The following DTNB variants were observed in gnomAD, a reference collection of about 807,000 sequenced individuals.
DTNB encodes the protein dystrobrevin beta.
Under a neutral mutation model 90.7 loss-of-function variants are expected in DTNB, and 63 were observed. That is an observed-to-expected ratio of 0.69 (90% CI 0.57 to 0.86). DTNB has a LOEUF of 0.86. Ranked by LOEUF, DTNB falls within the 40% of genes least tolerant of loss-of-function variation. The probability of loss-of-function intolerance (pLI) is 0.00; values close to 1 mark genes in which losing one functional copy is unlikely to be tolerated. For missense variants in DTNB, 744 were observed against 807.1 expected (o/e 0.92, Z 0.95); for synonymous variants, 277 against 286.7 (o/e 0.97, Z 0.34).
chr2:25,652,839 T>G, intron 1 of DTNB, 178 bp from the exon 2 acceptor site: 1 of 522,596 alleles, frequency 1.9e-6, no homozygotes. Flanking sequence ...ATCCTTTTAT[T>G]TGATAGCTTC....
chr2:25,500,729 A>C (rs1381152734), intron 9 of DTNB, among the ~76,000 whole-genome samples: 1 of 149,026 alleles, frequency 6.7e-6, no homozygotes, highest in African/African-American at 2.5e-5. Flanking sequence ...CTCCTGTGCC[A>C]AAAAAAAAAT....
intron 16 of DTNB, among the ~76,000 whole-genome samples, chr2:25,412,678 C>A (rs2046899937): frequency 6.6e-6 from 1 of 152,144 alleles, no homozygotes; most frequent in African/African-American, 2.4e-5. Context: ...TTGGAGGAAA[C>A]AAATCCTTCA....
chr2:25,383,915 A>G (rs773880374), intron 18 of DTNB, 26 bp from the exon 19 acceptor site: 7 of 1,613,936 alleles, frequency 4.3e-6, no homozygotes, highest in Non-Finnish European at 5.1e-6. Context: ...CAAGGAGGCC[A>G]GTGACCCTTC....
chr2:25,606,595 C>CTGAATAACTTTATTTTATTCAGT (rs2067166258), intron 5 of DTNB, among the ~76,000 whole-genome samples: 1 of 152,098 alleles, frequency 6.6e-6, no homozygotes, highest in Non-Finnish European at 1.5e-5. Flanking sequence ...GAGTTAATAA[C>CTGAATAACTTTATTTTATTCAGT]TAATAACTGA....
At chr2:25,660,316 A>C (rs1415389768) in intron 1 of DTNB, among the ~76,000 whole-genome samples, 1 of 152,228 alleles carries the variant, frequency 6.6e-6, no homozygotes, top group East Asian at 1.9e-4. Context: ...AAATGAAAGA[A>C]GCCAGTCATA....
chr2:25,521,704 C>G (rs977505642), intron 9 of DTNB, among the ~76,000 whole-genome samples: 1 of 152,150 alleles, frequency 6.6e-6, no homozygotes. Flanking sequence ...ACTTTACTTA[C>G]GGACACTGAC....
chr2:25,660,339 TTA>T (rs2082905729), intron 1 of DTNB, among the ~76,000 whole-genome samples: 1 of 150,244 alleles, frequency 6.7e-6, no homozygotes, highest in African/African-American at 2.4e-5. Flanking sequence ...AGACCATGTA[TTA>T]TATGATTCCA....
At chr2:25,441,132 A>G (rs1339475590) in intron 12 of DTNB, among the ~76,000 whole-genome samples, 4 of 152,232 alleles carry the variant, frequency 2.6e-5, no homozygotes, top group Non-Finnish European at 1.5e-5. Context: ...CCTGTGTAAC[A>G]ACCCGATTCT....
At chr2:25,538,352 C>T (rs1338343384) in intron 8 of DTNB, among the ~76,000 whole-genome samples, 1 of 152,194 alleles carries the variant, frequency 6.6e-6, no homozygotes, top group Non-Finnish European at 1.5e-5. Context: ...TTGCAGTGAA[C>T]TACAATAGTG....
intron 9 of DTNB, among the ~76,000 whole-genome samples, chr2:25,523,769 C>A (rs1421153005): frequency 6.6e-6 from 1 of 151,964 alleles, no homozygotes; most frequent in East Asian, 1.9e-4. Flanking sequence ...CTCTTTATGT[C>A]CTCCTAATGC....
At chr2:25,530,068 TGA>T (rs1558899657) in intron 9 of DTNB, among the ~76,000 whole-genome samples, 1 of 152,142 alleles carries the variant, frequency 6.6e-6, no homozygotes, top group East Asian at 1.9e-4. Flanking sequence ...GATATAATTA[TGA>T]AAAACAGGGA....
Position 25,424,575 on chromosome 2 carries a change from G to C in DTNB, c.1554+2960C>G, listed in dbSNP as rs1295773548. ...TTTGCCTTTTACAAAAATCACACTG[G>C]GGCACTGGGACTTTCCCATCTATGC... On this transcript the variant is annotated intron_variant, in intron 15 of 20. Coordinates refer to ENST00000406818, the MANE Select transcript of DTNB (RefSeq NM_021907.5). The surrounding 1 kb of genome is among the most constrained non-coding windows in gnomAD (Gnocchi z 4.1). Among the ~76,000 whole-genome samples, 1 of 152,092 alleles carries C rather than the reference G, an allele frequency of 6.6e-6. No homozygotes were observed. Among genetic ancestry groups the C allele is most frequent in the Non-Finnish European group, 1.5e-5 (1 of 68,026 alleles).
In DTNB at chr2:25,586,786, G is replaced by A. The variant is rs534793562; in HGVS notation, c.604-5960C>T. On this transcript the variant is annotated intron_variant, in intron 6 of 20. Coordinates refer to ENST00000406818, the MANE Select transcript of DTNB (RefSeq NM_021907.5). ...TTTGGAGGAGAGACAGAAAGTCAGGGGTTACTGGCATTTCAGTGAGAACTA... is the reference window on the plus strand; with the variant it reads ...TTTGGAGGAGAGACAGAAAGTCAGGAGTTACTGGCATTTCAGTGAGAACTA... 5.3e-4 allele frequency among the ~76,000 whole-genome samples: 80 copies of A among 152,238 alleles called. No individual in the cohort carries two copies. In the South Asian group the frequency reaches 0.013, roughly 25 times the overall value.
intron 3 of DTNB, among the ~76,000 whole-genome samples, chr2:25,629,563 T>A (rs2075230191): frequency 1.3e-5 from 2 of 152,102 alleles, no homozygotes; most frequent in Admixed American, 1.3e-4. Context: ...TAAAAAAGAT[T>A]TAAATATAAG....
At chr2:25,436,452 C>T (rs569110625) in intron 12 of DTNB, among the ~76,000 whole-genome samples, 96 of 152,274 alleles carry the variant, frequency 6.3e-4, no homozygotes, top group Admixed American at 2.0e-3. Flanking sequence ...GACCCTGCTT[C>T]ACTCTGTACA....
chr2:25,639,905 C>T (rs1170238381), intron 2 of DTNB, among the ~76,000 whole-genome samples: 1 of 152,174 alleles, frequency 6.6e-6, no homozygotes, highest in Non-Finnish European at 1.5e-5. Context: ...GAAGATCGTA[C>T]GAAGAAGAAC....
rs866007236 is a variant in DTNB, at chr2:25,662,169, C to A, written c.-1-9508G>T. The stretch of plus-strand genomic sequence containing the variant: ...AGACTCCGTCTCAAAAAAAAAAAAA[C>A]AAAAAAAACAAATGGATGTATCTAA... On this transcript the variant is annotated intron_variant, in intron 1 of 20. Coordinates refer to ENST00000406818, the MANE Select transcript of DTNB (RefSeq NM_021907.5). Among the ~76,000 whole-genome samples the A allele has an allele frequency of 2.2e-3, 315 of 142,048 alleles. 1 individual carries two copies. Among genetic ancestry groups the A allele is most frequent in the Non-Finnish European group, 3.7e-3 (239 of 64,234 alleles). The allele number at this position is 142,048 out of a possible 152,430, so 93.2% of individuals were successfully genotyped here. A position where few individuals can be genotyped will look rare whatever the true frequency, so the allele number is the denominator to read the frequency against.
chr2:25,472,315 C>T lies in DTNB; in HGVS notation c.1079+10481G>A, dbSNP rs543935757. The stretch of plus-strand genomic sequence containing the variant: ...AAGATGAGAAGGAAGAATTAGATGA[C>T]AAAGAAGAGAGAACAAAGGTGAAAA... On this transcript the variant is annotated intron_variant, in intron 10 of 20. Transcript: ENST00000406818. 5.3e-5 allele frequency among the ~76,000 whole-genome samples: 8 copies of T among 152,242 alleles called. No individual in the cohort carries two copies. The South Asian group carries it at 1.7e-3, about 32-fold the overall frequency.
At chr2:25,648,344 T>C (rs984929223) in intron 2 of DTNB, among the ~76,000 whole-genome samples, 1 of 152,166 alleles carries the variant, frequency 6.6e-6, no homozygotes, top group Non-Finnish European at 1.5e-5. Flanking sequence ...AGATAAAATA[T>C]TAAGCAAAGA....
Sources: gnomAD v4.1 joint callset for allele counts (sites outside exome capture counted in the v4.1 genomes callset) on GRCh38, gnomAD v4.1.1 for gene constraint, Gnocchi (gnomAD v3.1) non-coding constraint, MANE v1.5 for transcripts, NCBI Gene and HGNC (gene_info 2026-07-23, HGNC 2026-07-21) for gene names.